CLYBL: variants seen among roughly 807,000 people sequenced by gnomAD.
CLYBL encodes citramalyl-CoA lyase, mitochondrial.
CLYBL carries 31 observed loss-of-function variants against 38.9 expected under a neutral mutation model. The observed-to-expected ratio is 0.80, with a 90% CI of 0.60 to 1.08. CLYBL has a LOEUF of 1.08. CLYBL is among the 50% of genes least tolerant of loss of function. The pLI is 0.00. For synonymous variants in CLYBL, 171 were observed against 158.6 expected, an observed-to-expected ratio of 1.08 and a Z score of -0.59; for missense variants, 434 against 411.6, an observed-to-expected ratio of 1.05 and a Z score of -0.47.
chr13:99,753,334 A>C (rs1311042345), intron 1 of CLYBL, among the ~76,000 whole-genome samples: 1 of 152,154 alleles, frequency 6.6e-6, no homozygotes, highest in Non-Finnish European at 1.5e-5. Flanking sequence ...TGTTTTTTAA[A>C]GTCCAGACTG....
At chr13:99,628,621 G>A (rs117828905) in intron 1 of CLYBL, among the ~76,000 whole-genome samples, 272 of 152,376 alleles carry the variant, frequency 1.8e-3, no homozygotes, top group Non-Finnish European at 3.6e-3. Context: ...TTAAGACACT[G>A]GAAGGTGTCA....
intron 2 of CLYBL, among the ~76,000 whole-genome samples, chr13:99,812,364 A>G (rs1331424167): frequency 6.6e-6 from 1 of 152,222 alleles, no homozygotes; most frequent in African/African-American, 2.4e-5. Flanking sequence ...TTATAGACAT[A>G]TAGATGTTTG....
chr13:99,653,434 C>T (rs543591157), intron 1 of CLYBL, among the ~76,000 whole-genome samples: 7 of 152,156 alleles, frequency 4.6e-5, no homozygotes, highest in Non-Finnish European at 7.3e-5. Flanking sequence ...TTCCAGACCT[C>T]CATTCCTAGC....
chr13:99,886,888 A>G (rs1001961585), intron 7 of CLYBL, among the ~76,000 whole-genome samples: 1 of 152,152 alleles, frequency 6.6e-6, no homozygotes, highest in Non-Finnish European at 1.5e-5. Context: ...GCCAAGTCTC[A>G]TCCTCTCACT....
chr13:99,612,815 C>A (rs1320307774), intron 1 of CLYBL, among the ~76,000 whole-genome samples: 7 of 151,882 alleles, frequency 4.6e-5, no homozygotes, highest in South Asian at 2.1e-4. Context: ...AGTTCAAGTC[C>A]AGATTGGGTA....
At chr13:99,860,255 A>G (rs957110931) in intron 3 of CLYBL, among the ~76,000 whole-genome samples, 1 of 152,172 alleles carries the variant, frequency 6.6e-6, no homozygotes, top group Non-Finnish European at 1.5e-5. Flanking sequence ...TTTGGGATCT[A>G]TTGGGCTAAA....
chr13:99,836,931 C>T (rs532642984), intron 2 of CLYBL, among the ~76,000 whole-genome samples: 2 of 152,100 alleles, frequency 1.3e-5, no homozygotes, highest in South Asian at 2.1e-4. Context: ...GGAGATACAC[C>T]TAATGCTAAA....
intron 2 of CLYBL, among the ~76,000 whole-genome samples, chr13:99,841,727 C>T (rs2051083694): frequency 6.6e-6 from 1 of 152,014 alleles, no homozygotes; most frequent in Non-Finnish European, 1.5e-5. Context: ...CTTTACGTGA[C>T]AACGTGGGAA....
intron 1 of CLYBL, among the ~76,000 whole-genome samples, chr13:99,647,367 C>G (rs1019853343): frequency 2.0e-5 from 3 of 152,156 alleles, no homozygotes; most frequent in South Asian, 4.1e-4. Flanking sequence ...CCCGCCCCAC[C>G]TAGAGCTTCC....
intron 1 of CLYBL, among the ~76,000 whole-genome samples, chr13:99,671,792 A>AAC (rs1555350677): frequency 2.2e-5 from 3 of 139,156 alleles, no homozygotes; most frequent in East Asian, 3.9e-4. Flanking sequence ...AAAAAAAAAA[A>AAC]AAATAATAAA....
intron 1 of CLYBL, among the ~76,000 whole-genome samples, chr13:99,705,215 A>G (rs1282507395): frequency 1.3e-5 from 2 of 152,006 alleles, no homozygotes; most frequent in Admixed American, 1.3e-4. Context: ...CGACAGGTGA[A>G]TGGGTAACTA....
intron 1 of CLYBL, among the ~76,000 whole-genome samples, chr13:99,712,388 G>T (rs1003015885): frequency 4.3e-5 from 6 of 138,882 alleles, no homozygotes; most frequent in African/African-American, 1.6e-4. Context: ...AGGCTAGAAT[G>T]CAGTGGCGTG....
At chr13:99,783,290 G>C (rs1038139262) in intron 2 of CLYBL, among the ~76,000 whole-genome samples, 2 of 151,818 alleles carry the variant, frequency 1.3e-5, no homozygotes, top group Admixed American at 1.3e-4. Flanking sequence ...TGATCCACTT[G>C]CCTCGGCCTC....
chr13:99,706,943 C>T (rs576244503), intron 1 of CLYBL, among the ~76,000 whole-genome samples: 1 of 152,302 alleles, frequency 6.6e-6, no homozygotes, highest in East Asian at 1.9e-4. Context: ...GCCAGGACTA[C>T]AGGTGCCGTG....
At chr13:99,833,034 T>TA (rs2050852813) in intron 2 of CLYBL, among the ~76,000 whole-genome samples, 11 of 25,040 alleles carry the variant, frequency 4.4e-4, no homozygotes, top group Non-Finnish European at 7.4e-4. Context: ...ATATATATTT[T>TA]TTTTTTTTTT....
At chr13:99,890,823 T>C (rs182883685) in intron 7 of CLYBL, among the ~76,000 whole-genome samples, 2 of 152,308 alleles carry the variant, frequency 1.3e-5, no homozygotes, top group East Asian at 3.9e-4. Flanking sequence ...CTCATCTCTT[T>C]GTACCCTGTA....
intron 1 of CLYBL, among the ~76,000 whole-genome samples, chr13:99,688,804 C>T (rs1418474155): frequency 6.6e-6 from 1 of 152,164 alleles, no homozygotes; most frequent in African/African-American, 2.4e-5. Flanking sequence ...AAGGCAACTT[C>T]TTCCTTATTT....
intron 2 of CLYBL, among the ~76,000 whole-genome samples, chr13:99,786,905 G>C (rs2049807560): frequency 6.6e-6 from 1 of 152,088 alleles, no homozygotes; most frequent in African/African-American, 2.4e-5. Context: ...CATTCTAACT[G>C]GTGTGAGATG....
chr13:99,758,899 T>C (rs1222422162), intron 1 of CLYBL, among the ~76,000 whole-genome samples: 1 of 152,238 alleles, frequency 6.6e-6, no homozygotes, highest in Non-Finnish European at 1.5e-5. Flanking sequence ...ATGCCCTTTT[T>C]TGTGCCACCT....
Sources: allele counts gnomAD v4.1 joint callset (sites outside exome capture counted in the v4.1 genomes callset), GRCh38; gene constraint gnomAD v4.1.1; transcripts MANE v1.5; gene names NCBI Gene and HGNC (gene_info 2026-07-23, HGNC 2026-07-21).